COL12A1: variants seen among roughly 807,000 people sequenced by gnomAD.
COL12A1 encodes collagen type XII alpha 1 chain.
Under a neutral mutation model 349.7 loss-of-function variants are expected in COL12A1, and 114 were observed. The ratio of observed to expected loss-of-function variants is 0.33; its 90% CI spans 0.28 to 0.38. The LOEUF (loss-of-function observed/expected upper bound fraction) is 0.38. COL12A1 is among the 10% of genes least tolerant of loss of function. The pLI, the probability that COL12A1 is intolerant of heterozygous loss-of-function variation, is 1.00. For synonymous variants in COL12A1, 1,369 were observed against 1,329.0 expected (o/e 1.03, Z -0.66); for missense variants, 3,284 against 3,756.9 (o/e 0.87, Z 3.29).
rs1769445778 is a variant in COL12A1 at position 75,183,595 on chromosome 6, T to C, written c.1346A>G (p.Tyr449Cys). 1 of 1,613,570 alleles carries C rather than the reference T, an allele frequency of 6.2e-7. No individual in the cohort carries two copies. Among genetic ancestry groups the C allele is most frequent in the African/African-American group, 1.3e-5 (1 of 74,866 alleles). Residue 449 changes from tyrosine to cysteine, a missense_variant, in exon 10 of 66, where the codon TAT becomes TGT. Physicochemically the swap from Tyr to Cys is radical, Grantham distance 194. Transcript: ENST00000322507. Reference sequence around the variant, plus strand: ...AACAAAGTTTGCAATCCCAATGCTATAGGAGCCATCAACCAAAAACACAAT... The same window carrying C: ...AACAAAGTTTGCAATCCCAATGCTACAGGAGCCATCAACCAAAAACACAAT... ...ADIVFLVDGS[Y>C]SIGIANFVKV...
chr6:75,130,011 C>T (rs577576910), intron 37 of COL12A1, 80 bp downstream of exon 37: 21 of 1,513,262 alleles, frequency 1.4e-5, no homozygotes, highest in Admixed American at 1.8e-5. Context: ...GTACTCACAG[C>T]ATACCTCTAA....
At chr6:75,154,394 G>A (rs768000274) in intron 17 of COL12A1, 22 bp downstream of exon 17, 4 of 1,605,116 alleles carry the variant, frequency 2.5e-6, no homozygotes, top group Non-Finnish European at 3.4e-6. Context: ...TTTTCCTCAA[G>A]GAATGTAACT....
At chr6:75,125,389 C>T (rs1388176904) in intron 39 of COL12A1, 116 bp from the exon 40 acceptor site, 5 of 919,142 alleles carry the variant, frequency 5.4e-6, no homozygotes, top group Non-Finnish European at 7.9e-6. Context: ...TTCCATAGTC[C>T]TCATACACTT....
chr6:75,116,779 T>C (rs947452443), intron 47 of COL12A1, among the ~76,000 whole-genome samples: 1 of 152,188 alleles, frequency 6.6e-6, no homozygotes, highest in African/African-American at 2.4e-5. Context: ...TGATCAATTA[T>C]GTAGGATAAA....
intron 31 of COL12A1, among the ~76,000 whole-genome samples, chr6:75,136,942 A>T (rs1050776264): frequency 1.3e-5 from 2 of 152,186 alleles, no homozygotes; most frequent in African/African-American, 4.8e-5. Flanking sequence ...AATGAAAAAC[A>T]GTGTAAATTA....
chr6:75,187,908 C>T (rs1769718947), intron 8 of COL12A1, among the ~76,000 whole-genome samples: 1 of 152,010 alleles, frequency 6.6e-6, no homozygotes, highest in South Asian at 2.1e-4. Context: ...TAAAAGCTTT[C>T]AAAACATTAC....
chr6:75,134,638 T>C (rs1766490262), intron 32 of COL12A1, 88 bp downstream of exon 32: 16 of 1,217,114 alleles, frequency 1.3e-5, no homozygotes, highest in South Asian at 2.6e-5. Flanking sequence ...AGTAAAACTT[T>C]GTGTCACCCC....
chr6:75,120,743 C>G (rs577865799), intron 44 of COL12A1, among the ~76,000 whole-genome samples: 1 of 152,138 alleles, frequency 6.6e-6, no homozygotes, highest in Admixed American at 6.5e-5. Flanking sequence ...ATATAAACTT[C>G]TCTAAGTACT....
At chr6:75,111,678 T>A (rs533097622) in intron 51 of COL12A1, among the ~76,000 whole-genome samples, 1 of 151,972 alleles carries the variant, frequency 6.6e-6, no homozygotes, top group East Asian at 1.9e-4. Context: ...TAAGAACAGA[T>A]AAAGATCAGT....
Position 75,097,260 on chromosome 6 carries a change from C to T in COL12A1, c.8570G>A (p.Gly2857Glu), listed in dbSNP as rs370191776. The T allele has an allele frequency of 6.2e-7, 1 of 1,613,694 alleles. No individual in the cohort carries two copies. The highest frequency in any genetic ancestry group is 8.5e-7 in the Non-Finnish European group (1 of 1,179,720). ...DGAMGPRGPPGPPGSPGSPGV... is the reference protein window; with the variant it reads ...DGAMGPRGPPEPPGSPGSPGV... ...GACACATTTAGTTCTTACCGGCGGC[C>T]CTGGTGGGCCCCTGGGTCCCATTGC... Residue 2857 changes from glycine to glutamate, a missense_variant, in exon 59 of 66, where the codon GGG becomes GAG. Physicochemically the swap from Gly to Glu is moderately conservative, Grantham distance 98. This residue lies in a region of COL12A1 where 683 missense variants were observed against 932.1 expected (regional missense o/e 0.73). Transcript: ENST00000322507.
At position 75,109,046 on chromosome 6, in the gene COL12A1, A is replaced by C; in HGVS notation, c.8072T>G (p.Leu2691Arg). 1 of 1,612,392 alleles carries C rather than the reference A, an allele frequency of 6.2e-7. No homozygotes were observed. Among genetic ancestry groups the C allele is most frequent in the East Asian group, 2.2e-5 (1 of 44,770 alleles). The change falls in exon 52 of 66, where the codon CTC becomes CGC. Residue 2691 changes from leucine to arginine, a missense_variant. Physicochemically the swap from Leu to Arg is moderately radical, Grantham distance 102. Transcript: ENST00000322507. ...GGCTGATTTCCTTTCCCCTTTAAGG[A>C]GTTTTCCAAGAATTTCATAACCATC... The part of the protein sequence containing the change: ...TTDGYEILGK[L>R]LKGERKSAAF...
chr6:75,164,903 G>T (rs114711896), intron 14 of COL12A1, among the ~76,000 whole-genome samples: 3,742 of 151,802 alleles, frequency 0.025, 147 homozygotes, highest in African/African-American at 0.086. Flanking sequence ...GTGGGCTTTT[G>T]ATTTGACCTT....
In COL12A1 at chr6:75,132,032, T is replaced by C. The variant is rs1448557824; in HGVS notation, c.5845A>G (p.Ser1949Gly). The change falls in exon 35 of 66, where the codon AGC becomes GGC. Residue 1949 changes from serine to glycine, a missense_variant. Ser to Gly is a moderately conservative substitution (Grantham distance 56). Transcript: ENST00000322507. The part of the protein sequence containing the change: ...NVQVYNPTPN[S>G]LDVRWDPAPG... ...GCAGGGTCCCAGCGAACATCGAGGC[T>C]GTTAGGTGTAGGATTGTATACTTGG... 1.9e-6 allele frequency: 3 copies of C among 1,614,172 alleles called. No homozygotes were observed. The highest frequency in any genetic ancestry group is 2.5e-6 in the Non-Finnish European group (3 of 1,179,994).
At chr6:75,202,024 T>C (rs1369010905) in intron 2 of COL12A1, among the ~76,000 whole-genome samples, 2 of 152,186 alleles carry the variant, frequency 1.3e-5, no homozygotes, top group Admixed American at 6.5e-5. Flanking sequence ...GCTGGAAACC[T>C]TGGCCCAGGC....
intron 2 of COL12A1, among the ~76,000 whole-genome samples, chr6:75,196,023 TTTTA>T (rs1327533722): frequency 6.6e-6 from 1 of 152,186 alleles, no homozygotes; most frequent in African/African-American, 2.4e-5. Flanking sequence ...GTTGACTTGT[TTTTA>T]GTTTCCCACA....
chr6:75,123,749 AACAGGG>A, intron 42 of COL12A1, among the ~76,000 whole-genome samples, 193 bp downstream of exon 42: 1 of 152,186 alleles, frequency 6.6e-6, no homozygotes, highest in East Asian at 1.9e-4. Flanking sequence ...CCAACTCAAT[AACAGGG>A]ACAACTTGCA....
chr6:75,108,070 C>CG (rs375849205), intron 52 of COL12A1, among the ~76,000 whole-genome samples: 2 of 151,762 alleles, frequency 1.3e-5, no homozygotes, highest in African/African-American at 4.9e-5. Flanking sequence ...TATTGATTGA[C>CG]ATTGATTGAT....
intron 27 of COL12A1, among the ~76,000 whole-genome samples, chr6:75,139,676 G>A (rs905105968): frequency 6.6e-6 from 1 of 152,090 alleles, no homozygotes; most frequent in South Asian, 2.1e-4. Context: ...AGCATGTTAC[G>A]ATCCAGGTAA....
At chr6:75,187,539 G>A (rs535390758) in intron 8 of COL12A1, among the ~76,000 whole-genome samples, 22 of 152,230 alleles carry the variant, frequency 1.4e-4, no homozygotes, top group Non-Finnish European at 2.2e-4. Flanking sequence ...AAGCAAAAAG[G>A]TTAGACAGTA....
Sources: gnomAD v4.1 joint callset for allele counts (sites outside exome capture counted in the v4.1 genomes callset) on GRCh38, gnomAD v4.1.1 for gene constraint, gnomAD v4.1.1 regional missense constraint, MANE v1.5 for transcripts, NCBI Gene and HGNC (gene_info 2026-07-23, HGNC 2026-07-21) for gene names.